The following MEGF8 variants were observed in gnomAD, a reference collection of about 807,000 sequenced individuals.
MEGF8 encodes multiple EGF like domains 8.
MEGF8 carries 156 observed loss-of-function variants against 302.9 expected under a neutral mutation model. That is an observed-to-expected ratio of 0.52 (90% CI 0.45 to 0.59). The LOEUF (loss-of-function observed/expected upper bound fraction) is 0.59, where lower values mean the gene tolerates loss of function less well. Ranked by LOEUF, MEGF8 falls within the 20% of genes least tolerant of loss-of-function variation. The probability of loss-of-function intolerance (pLI) is 0.00; values close to 1 mark genes in which losing one functional copy is unlikely to be tolerated. For missense variants in MEGF8, 3,345 were observed against 3,964.5 expected (o/e 0.84, Z 4.20); for synonymous variants, 1,621 against 1,660.5 (o/e 0.98, Z 0.58).
At chr19:42,338,546 T>C (rs184121899) in intron 8 of MEGF8, among the ~76,000 whole-genome samples, 2 of 152,180 alleles carry the variant, frequency 1.3e-5, no homozygotes, top group Admixed American at 1.3e-4. Flanking sequence ...CCAGCCCCAG[T>C]AGGTAGTTTT....
Position 42,354,066 on chromosome 19 carries a change from A to G in MEGF8, c.4011+42A>G. 6.4e-7 allele frequency: 1 copy of G among 1,556,212 alleles called. No homozygotes were observed. The highest frequency in any genetic ancestry group is 8.7e-7 in the Non-Finnish European group (1 of 1,152,754). On this transcript the variant is annotated intron_variant, in intron 22 of 41. Transcript: ENST00000251268. This position sits in a 1 kb window ranked among gnomAD's most constrained non-coding sequence, Gnocchi z 4.3. ...CGAGGGTTCAGGCGCATGAGCCAGA[A>G]CCGTGTCCCCTGACCCAGCCTGCAT... is the stretch of plus-strand genomic sequence containing the variant.
Position 42,362,494 on chromosome 19 carries a change from C to T in MEGF8, c.5955C>T (p.Val1985=). The change falls in exon 34 of 42, where the codon GTC becomes GTT. Residue 1985 remains valine, a synonymous_variant. Coordinates refer to ENST00000251268, the MANE Select transcript of MEGF8 (RefSeq NM_001271938.2). ...ACTGTCGGATCAACCAGCGAGAGGT[C>T]TTCTGGGCAGGGAACTGCTCCGAGG... ...ENDCRINQRE[V]FWAGNCSEAA... 1 of 1,613,950 alleles carries T rather than the reference C, an allele frequency of 6.2e-7. No homozygotes were observed. The highest frequency in any genetic ancestry group is 8.5e-7 in the Non-Finnish European group (1 of 1,179,888).
intron 8 of MEGF8, among the ~76,000 whole-genome samples, chr19:42,337,506 C>CTTT (rs908319656): frequency 1.3e-4 from 18 of 135,832 alleles, no homozygotes; most frequent in African/African-American, 2.5e-4. Context: ...CTTTTCTTTT[C>CTTT]TTTTTTTTTT....
rs188891397 is a variant in MEGF8 at position 42,345,416 on chromosome 19, C to T, written c.2097+583C>T. ...CATTTTCATCACCCCAGAGGACAAC[C>T]CTGGACTCACTAAGTAGTCACTCTC... is the stretch of plus-strand genomic sequence containing the variant. On this transcript the variant is annotated intron_variant, in intron 12 of 41. Coordinates refer to ENST00000251268, the MANE Select transcript of MEGF8 (RefSeq NM_001271938.2). 3.2e-4 allele frequency among the ~76,000 whole-genome samples: 49 copies of T among 152,298 alleles called. 1 individual carries two copies. The highest frequency in any genetic ancestry group is 2.5e-3 in the Admixed American group (39 of 15,304).
rs1466343768 is a variant in MEGF8, at chr19:42,355,995, C to G, written c.4382C>G (p.Thr1461Ser). 3.7e-6 allele frequency: 6 copies of G among 1,611,430 alleles called. No individual in the cohort carries two copies. In the South Asian group the frequency reaches 6.6e-5, roughly 18 times the overall value. The part of the protein sequence containing the change: ...ENCNAHTGAG[T>S]CNQSLGVCIC... ...TGCAATGCCCACACTGGGGCAGGAACTTGTAACCAGGTACAGGTGGGAGAG... is the reference window on the plus strand; with the variant it reads ...TGCAATGCCCACACTGGGGCAGGAAGTTGTAACCAGGTACAGGTGGGAGAG... The change falls in exon 24 of 42, where the codon ACT becomes AGT. Residue 1461 changes from threonine (T) to serine (S), a missense_variant. Physicochemically the swap from Thr to Ser is moderately conservative, Grantham distance 58. Transcript: ENST00000251268.
In MEGF8 at chr19:42,344,859, G is replaced by A; in HGVS notation, c.2097+26G>A. On this transcript the variant is annotated intron_variant, in intron 12 of 41. Coordinates refer to ENST00000251268, the MANE Select transcript of MEGF8 (RefSeq NM_001271938.2). The surrounding 1 kb of genome is among the most constrained non-coding windows in gnomAD (Gnocchi z 4.5). ...GTGGGTAGGAGGCGTGGCCCTGGGT[G>A]GGGTGTTGATGATCCTGATCCTAGG... The A allele has an allele frequency of 6.6e-7, 1 of 1,520,464 alleles. No homozygotes were observed. Among genetic ancestry groups the A allele is most frequent in the Non-Finnish European group, 8.8e-7 (1 of 1,130,270 alleles). The allele number at this position is 1,520,464 out of a possible 1,614,324, so 94.2% of individuals were successfully genotyped here. A position where few individuals can be genotyped will look rare whatever the true frequency, so the allele number is the denominator to read the frequency against.
At chr19:42,329,583 C>G (rs1055322682) in intron 1 of MEGF8, among the ~76,000 whole-genome samples, 1 of 152,134 alleles carries the variant, frequency 6.6e-6, no homozygotes, top group Non-Finnish European at 1.5e-5. Context: ...AACAACCAGC[C>G]AGGGGCAGTG....
chr19:42,327,125 A>C (rs2038995329), intron 1 of MEGF8, among the ~76,000 whole-genome samples: 1 of 152,244 alleles, frequency 6.6e-6, no homozygotes, highest in African/African-American at 2.4e-5. Flanking sequence ...ATGAAATGAA[A>C]ACAGGTATTT....
At chr19:42,365,392 G>T (rs1008224777) in intron 35 of MEGF8, among the ~76,000 whole-genome samples, 21 of 152,016 alleles carry the variant, frequency 1.4e-4, no homozygotes, top group Non-Finnish European at 2.6e-4. Flanking sequence ...GTCCCCAGGG[G>T]CCAGATGAGC....
At chr19:42,349,470 C>T in intron 13 of MEGF8, 29 bp from the exon 14 acceptor site, 1 of 1,595,022 alleles carries the variant, frequency 6.3e-7, no homozygotes, top group African/African-American at 1.3e-5. Flanking sequence ...GGTTCTGAGG[C>T]CCCTGCCTAT....
Position 42,351,826 on chromosome 19 carries a change from T to A in MEGF8, c.3101+65T>A. 7.5e-7 allele frequency: 1 copy of A among 1,338,182 alleles called. No homozygotes were observed. Among genetic ancestry groups the A allele is most frequent in the Non-Finnish European group, 1.0e-6 (1 of 955,946 alleles). The allele number at this position is 1,338,182 out of a possible 1,614,324, so 82.9% of individuals were successfully genotyped here. ...GTCCTTCCTCCATGACCGGTCATTC[T>A]AATGGCCTCTTTGCTTCTCTGCCCT... On this transcript the variant is annotated intron_variant, in intron 18 of 41. Transcript: ENST00000251268. The surrounding 1 kb of genome is among the most constrained non-coding windows in gnomAD (Gnocchi z 5.6).
rs371138631 is a variant in MEGF8, at chr19:42,357,455, C to T, written c.4882C>T (p.Arg1628Cys). 24 of 1,613,654 alleles carry T rather than the reference C, an allele frequency of 1.5e-5. No individual in the cohort carries two copies. The highest frequency in any genetic ancestry group is 1.2e-4 in the African/African-American group (9 of 74,898). ...PAVAGHTLTA[R>C]RGLSLLLVGG... ...CGTTGCTGGTCACACCCTTACTGCC[C>T]GCCGAGGCCTGTCTCTGCTCCTGGT... The change falls in exon 28 of 42, where the codon CGC becomes TGC. Residue 1628 changes from arginine (R) to cysteine (C), a missense_variant. Physicochemically the swap from Arg to Cys is radical, Grantham distance 180. Coordinates refer to ENST00000251268, the MANE Select transcript of MEGF8 (RefSeq NM_001271938.2). The surrounding 1 kb of genome is among the most constrained non-coding windows in gnomAD (Gnocchi z 5.2).
Position 42,351,409 on chromosome 19 carries a change from C to A in MEGF8, c.2856-20C>A. On this transcript the variant is annotated intron_variant, in intron 16 of 41. Transcript: ENST00000251268. The surrounding 1 kb of genome is among the most constrained non-coding windows in gnomAD (Gnocchi z 5.6). ...GTGTGCTGGCTGTGGAGTGACCTGG[C>A]CCCCTGCTCCCCACCCCAGGCGACT... 1 of 1,583,986 alleles carries A rather than the reference C, an allele frequency of 6.3e-7. No individual in the cohort carries two copies. The highest frequency in any genetic ancestry group is 8.6e-7 in the Non-Finnish European group (1 of 1,165,636).
At chr19:42,370,382 C>G in intron 39 of MEGF8, 23 bp downstream of exon 39, 2 of 1,544,444 alleles carry the variant, frequency 1.3e-6, no homozygotes, top group Non-Finnish European at 1.8e-6. Flanking sequence ...GGTCAGATGC[C>G]TGGGTCTGAG....
rs546057504 is a variant in MEGF8 at position 42,351,985 on chromosome 19, T to C, written c.3102-223T>C. Among the ~76,000 whole-genome samples the C allele has an allele frequency of 6.6e-6, 1 of 152,334 alleles. No homozygotes were observed. The highest frequency in any genetic ancestry group is 2.4e-5 in the African/African-American group (1 of 41,570). ...TTCGTTTTCTTTCTCCTTGTCTGTT[T>C]CTGTCTCTCCGCTCTCCCTTTCACT... On this transcript the variant is annotated intron_variant, in intron 18 of 41. Coordinates refer to ENST00000251268, the MANE Select transcript of MEGF8 (RefSeq NM_001271938.2). The surrounding 1 kb of genome is among the most constrained non-coding windows in gnomAD (Gnocchi z 5.6).
At position 42,355,750 on chromosome 19, in the gene MEGF8, C is replaced by T; in HGVS notation, c.4145-8C>T. 2.6e-6 allele frequency: 4 copies of T among 1,564,956 alleles called. No homozygotes were observed. The highest frequency in any genetic ancestry group is 3.5e-6 in the Non-Finnish European group (4 of 1,150,996). On this transcript the variant is annotated splice_polypyrimidine_tract_variant and splice_region_variant and intron_variant, in intron 23 of 41. Coordinates refer to ENST00000251268, the MANE Select transcript of MEGF8 (RefSeq NM_001271938.2). ...TTTGCTACCAGCCTCTGGCCTCTCT[C>T]TTCACAGGGCTGCTCGTGCTGCACT...
At chr19:42,360,533 C>T (rs1000177856) in intron 31 of MEGF8, among the ~76,000 whole-genome samples, 7 of 151,962 alleles carry the variant, frequency 4.6e-5, no homozygotes, top group Admixed American at 1.3e-4. Context: ...TTTGTAGAGA[C>T]GGGGTCTTTC....
chr19:42,365,396 G>T (rs1303163719), intron 35 of MEGF8, among the ~76,000 whole-genome samples: 3 of 152,044 alleles, frequency 2.0e-5, no homozygotes, highest in Admixed American at 6.6e-5. Context: ...CCAGGGGCCA[G>T]ATGAGCATTG....
At chr19:42,342,412 G>A (rs2039227254) in intron 8 of MEGF8, among the ~76,000 whole-genome samples, 1 of 152,216 alleles carries the variant, frequency 6.6e-6, no homozygotes, top group Admixed American at 6.5e-5. Flanking sequence ...GCCGAGGCGA[G>A]TGGATCACGA....
Sources: allele counts gnomAD v4.1 joint callset (sites outside exome capture counted in the v4.1 genomes callset), GRCh38; gene constraint gnomAD v4.1.1; non-coding constraint Gnocchi (gnomAD v3.1); transcripts MANE v1.5; gene names NCBI Gene and HGNC (gene_info 2026-07-23, HGNC 2026-07-21).